The following TDRD3 variants were observed in gnomAD, a reference collection of about 807,000 sequenced individuals.
TDRD3 encodes the protein tudor domain containing 3.
TDRD3 carries 45 observed loss-of-function variants against 86.7 expected under a neutral mutation model. The observed-to-expected ratio is 0.52, with a 90% CI of 0.41 to 0.67. TDRD3 has a LOEUF of 0.67. Among genes scored for constraint, TDRD3 ranks in the 30% least tolerant of loss-of-function variants. The probability of loss-of-function intolerance (pLI) is 0.00; values close to 1 mark genes in which losing one functional copy is unlikely to be tolerated. For synonymous variants in TDRD3, 298 were observed against 301.7 expected (o/e 0.99, Z 0.13); for missense variants, 814 against 889.0 (o/e 0.92, Z 1.07).
chr13:60,456,816 C>T (rs2138036409), intron 3 of TDRD3, among the ~76,000 whole-genome samples: 1 of 152,212 alleles, frequency 6.6e-6, no homozygotes, highest in Admixed American at 6.5e-5. Flanking sequence ...CCATCTCAGC[C>T]TCCCAAGTAG....
At chr13:60,506,161 C>CT (rs1203977693) in intron 8 of TDRD3, among the ~76,000 whole-genome samples, 1 of 152,030 alleles carries the variant, frequency 6.6e-6, no homozygotes, top group African/African-American at 2.4e-5. Context: ...AAAGGGAAAC[C>CT]CATCAGACTA....
intron 13 of TDRD3, among the ~76,000 whole-genome samples, chr13:60,571,038 T>C (rs1022697864): frequency 3.3e-5 from 5 of 152,286 alleles, no homozygotes; most frequent in African/African-American, 1.2e-4. Flanking sequence ...TTGCTTTGGA[T>C]TGTACTGTTA....
chr13:60,448,285 G>A (rs77834288), intron 3 of TDRD3, among the ~76,000 whole-genome samples: 1,694 of 152,162 alleles, frequency 0.011, 40 homozygotes, highest in African/African-American at 0.039. Context: ...ATTCTAAGAC[G>A]CATCAGAGGC....
intron 5 of TDRD3, among the ~76,000 whole-genome samples, chr13:60,474,555 T>C (rs1164840370): frequency 6.6e-6 from 1 of 152,370 alleles, no homozygotes; most frequent in South Asian, 2.1e-4. Context: ...TACCCTTGAC[T>C]TCTTTCTTTC....
chr13:60,471,819 G>C (rs372020497), intron 5 of TDRD3, among the ~76,000 whole-genome samples: 17 of 152,058 alleles, frequency 1.1e-4, no homozygotes, highest in African/African-American at 2.9e-4. Context: ...TCTGTGAAGA[G>C]TTAATTTTAT....
At position 60,408,074 on chromosome 13, in the gene TDRD3, C is replaced by T. The variant is rs181432664; in HGVS notation, c.41+10669C>T. ...CGTCCCGCCATGATTCTGAGGCCTC[C>T]CCACCCGTGTGGAACTGTAAGCCCA... On this transcript the variant is annotated intron_variant, in intron 1 of 13. Transcript: ENST00000377881. Among the ~76,000 whole-genome samples, 386 of 152,026 alleles carry T rather than the reference C, an allele frequency of 2.5e-3. 2 individuals are homozygous for T. The highest frequency in any genetic ancestry group is 0.01 in the Middle Eastern group (3 of 294).
At chr13:60,480,940 G>A (rs1241146462) in intron 5 of TDRD3, among the ~76,000 whole-genome samples, 1 of 152,102 alleles carries the variant, frequency 6.6e-6, no homozygotes, top group Non-Finnish European at 1.5e-5. Context: ...ATTGGTAGTT[G>A]GGTTGTCTTG....
chr13:60,511,440 T>C (rs1416612689), intron 10 of TDRD3, among the ~76,000 whole-genome samples: 1 of 152,206 alleles, frequency 6.6e-6, no homozygotes, highest in Non-Finnish European at 1.5e-5. Flanking sequence ...TTTGCTAGAT[T>C]ATATAGAAAA....
intron 12 of TDRD3, among the ~76,000 whole-genome samples, chr13:60,541,368 T>C (rs1284132119): frequency 2.0e-5 from 3 of 152,090 alleles, no homozygotes; most frequent in African/African-American, 7.2e-5. Flanking sequence ...GGTTTCACCA[T>C]GTTGGCCAGG....
At chr13:60,557,943 C>T (rs1317689265) in intron 12 of TDRD3, among the ~76,000 whole-genome samples, 1 of 151,006 alleles carries the variant, frequency 6.6e-6, no homozygotes, top group Non-Finnish European at 1.5e-5. Flanking sequence ...CTGCCTCAGC[C>T]TCCTGAGTAG....
At chr13:60,439,853 T>A (rs933928981) in intron 2 of TDRD3, 81 bp downstream of exon 2, 1 of 898,966 alleles carries the variant, frequency 1.1e-6, no homozygotes, top group Non-Finnish European at 1.6e-6. Flanking sequence ...AATTGGGTTA[T>A]ATGATAACAA....
intron 1 of TDRD3, among the ~76,000 whole-genome samples, chr13:60,398,256 C>T (rs1390856191): frequency 2.0e-5 from 3 of 152,160 alleles, no homozygotes; most frequent in Non-Finnish European, 2.9e-5. Flanking sequence ...TTTGCAACGG[C>T]TCTCTGCAAT....
intron 1 of TDRD3, among the ~76,000 whole-genome samples, chr13:60,432,651 T>A (rs1240124079): frequency 6.6e-6 from 1 of 152,178 alleles, no homozygotes; most frequent in Non-Finnish European, 1.5e-5. Flanking sequence ...GGGTAATTTT[T>A]AAAAAATATC....
chr13:60,458,889 C>T (rs1955738792), intron 3 of TDRD3, among the ~76,000 whole-genome samples: 1 of 152,130 alleles, frequency 6.6e-6, no homozygotes, highest in Admixed American at 6.5e-5. Context: ...GCTATAATAA[C>T]CATAACATGC....
At chr13:60,502,750 A>G (rs919276840) in intron 8 of TDRD3, among the ~76,000 whole-genome samples, 1 of 152,272 alleles carries the variant, frequency 6.6e-6, no homozygotes, top group Middle Eastern at 3.4e-3. Flanking sequence ...GATTATATAT[A>G]TAGGTATGAG....
chr13:60,468,099 A>T (rs377160463), intron 5 of TDRD3, among the ~76,000 whole-genome samples: 1 of 152,218 alleles, frequency 6.6e-6, no homozygotes, highest in African/African-American at 2.4e-5. Context: ...TTCTTCCTTC[A>T]GCATAGTTGA....
chr13:60,467,848 T>G (rs1043153032), intron 5 of TDRD3, among the ~76,000 whole-genome samples: 1 of 152,214 alleles, frequency 6.6e-6, no homozygotes, highest in Non-Finnish European at 1.5e-5. Flanking sequence ...ATTAACAATA[T>G]CTTCATCTTT....
At chr13:60,425,248 G>T (rs951410234) in intron 1 of TDRD3, among the ~76,000 whole-genome samples, 1 of 152,130 alleles carries the variant, frequency 6.6e-6, no homozygotes, top group African/African-American at 2.4e-5. Context: ...TGTCTAAGAG[G>T]TGTATGAAAA....
In TDRD3 at chr13:60,477,203, ATTATTATTATTG is replaced by A. The variant is rs959398732; in HGVS notation, c.496-6560_496-6549del. Among the ~76,000 whole-genome samples, 14 of 142,010 alleles carry A rather than the reference ATTATTATTATTG, an allele frequency of 9.9e-5. 1 individual carries two copies. The highest frequency in any genetic ancestry group is 2.1e-4 in the Admixed American group (3 of 14,260). The allele number at this position is 142,010 out of a possible 152,430, so 93.2% of individuals were successfully genotyped here. A position where few individuals can be genotyped will look rare whatever the true frequency, so the allele number is the denominator to read the frequency against. ...TATACGTTTGTTATAGATGGTTATT[ATTATTATTATTG>A]TTATTATTATTATTATTAAGACAGA... is the stretch of plus-strand genomic sequence containing the variant. On this transcript the variant is annotated intron_variant, in intron 5 of 13. Coordinates refer to ENST00000377881, the MANE Select transcript of TDRD3 (RefSeq NM_001146070.2).
Sources: gnomAD v4.1 joint callset for allele counts (sites outside exome capture counted in the v4.1 genomes callset) on GRCh38, gnomAD v4.1.1 for gene constraint, MANE v1.5 for transcripts, NCBI Gene and HGNC (gene_info 2026-07-23, HGNC 2026-07-21) for gene names.